THRB: variants seen among roughly 807,000 people sequenced by gnomAD.
THRB encodes thyroid hormone receptor beta, also known as nuclear receptor subfamily 1 group A member 2.
THRB carries 12 observed loss-of-function variants against 47.8 expected under a neutral mutation model. The ratio of observed to expected loss-of-function variants is 0.25; its 90% CI spans 0.16 to 0.41. The LOEUF (loss-of-function observed/expected upper bound fraction) is 0.41. Among genes scored for constraint, THRB ranks in the 10% least tolerant of loss-of-function variants. THRB has a pLI of 1.00. For missense variants in THRB, 348 were observed against 589.2 expected, an observed-to-expected ratio of 0.59 and a Z score of 4.24; for synonymous variants, 218 against 212.2, an observed-to-expected ratio of 1.03 and a Z score of -0.24.
intron 1 of THRB, among the ~76,000 whole-genome samples, chr3:24,487,389 T>C (rs1168992502): frequency 6.6e-6 from 1 of 151,810 alleles, no homozygotes; most frequent in Non-Finnish European, 1.5e-5. Flanking sequence ...GGTGATCAAA[T>C]GAATTTTGCT....
chr3:24,303,210 C>T (rs2057079942), intron 2 of THRB, among the ~76,000 whole-genome samples: 1 of 152,166 alleles, frequency 6.6e-6, no homozygotes, highest in African/African-American at 2.4e-5. Flanking sequence ...AATACAGAGA[C>T]TCCTCCCTGT....
intron 3 of THRB, among the ~76,000 whole-genome samples, chr3:24,244,912 G>A (rs1394899472): frequency 6.6e-6 from 1 of 152,188 alleles, no homozygotes; most frequent in African/African-American, 2.4e-5. Context: ...AGCATACCTT[G>A]TTAAGCTGTG....
intron 4 of THRB, among the ~76,000 whole-genome samples, chr3:24,204,289 A>G (rs111916121): frequency 4.9e-4 from 75 of 152,346 alleles, no homozygotes; most frequent in African/African-American, 1.5e-3. Flanking sequence ...TGGCTGGGTA[A>G]CCCTCTAAGA....
intron 3 of THRB, among the ~76,000 whole-genome samples, chr3:24,245,683 C>T (rs923381695): frequency 1.3e-5 from 2 of 152,048 alleles, no homozygotes; most frequent in African/African-American, 4.8e-5. Context: ...GAGACCGAGG[C>T]GGGCAGATCA....
chr3:24,217,400 A>T (rs1041070975), intron 4 of THRB, among the ~76,000 whole-genome samples: 4 of 152,152 alleles, frequency 2.6e-5, no homozygotes, highest in African/African-American at 7.2e-5. Context: ...CATCCTGCTC[A>T]TTGAAAACAT....
intron 1 of THRB, among the ~76,000 whole-genome samples, chr3:24,401,995 T>C (rs1404630960): frequency 6.6e-6 from 1 of 152,032 alleles, no homozygotes; most frequent in Non-Finnish European, 1.5e-5. Context: ...CTTTACCTTG[T>C]CTGCTACAGG....
intron 1 of THRB, among the ~76,000 whole-genome samples, chr3:24,365,066 C>G (rs898556267): frequency 6.6e-6 from 1 of 152,070 alleles, no homozygotes; most frequent in African/African-American, 2.4e-5. Flanking sequence ...TACAGGTAAA[C>G]TGCTTAATTC....
intron 1 of THRB, among the ~76,000 whole-genome samples, chr3:24,384,885 TG>T (rs1208438875): frequency 6.6e-6 from 1 of 152,118 alleles, no homozygotes; most frequent in Admixed American, 6.6e-5. Flanking sequence ...TCCTGGGTTT[TG>T]GAAATGCTCT....
chr3:24,425,166 C>T (rs2150330142), intron 1 of THRB, among the ~76,000 whole-genome samples: 1 of 151,842 alleles, frequency 6.6e-6, no homozygotes, highest in Admixed American at 6.6e-5. Flanking sequence ...ATTGCTGGAT[C>T]AAAGCATACA....
chr3:24,367,095 T>C (rs2064530084), intron 1 of THRB, among the ~76,000 whole-genome samples: 1 of 152,226 alleles, frequency 6.6e-6, no homozygotes, highest in African/African-American at 2.4e-5. Flanking sequence ...ACTAGCTGGA[T>C]GGCAGGGACT....
chr3:24,470,017 T>A (rs1473369696), intron 1 of THRB, among the ~76,000 whole-genome samples: 1 of 152,170 alleles, frequency 6.6e-6, no homozygotes, highest in East Asian at 1.9e-4. Flanking sequence ...CCATGACTGT[T>A]CTTCTAGAGG....
intron 1 of THRB, among the ~76,000 whole-genome samples, chr3:24,373,368 T>A (rs998791408): frequency 4.6e-5 from 7 of 152,254 alleles, no homozygotes; most frequent in South Asian, 2.1e-4. Flanking sequence ...TGATCCTTTC[T>A]GAAAGGCACT....
intron 1 of THRB, among the ~76,000 whole-genome samples, chr3:24,449,066 T>A (rs1560212128): frequency 6.6e-6 from 1 of 152,154 alleles, no homozygotes; most frequent in Non-Finnish European, 1.5e-5. Context: ...GAGGGAGTGA[T>A]GGGCAGCCAT....
chr3:24,261,116 A>C (rs2051926368), intron 3 of THRB, among the ~76,000 whole-genome samples: 1 of 107,658 alleles, frequency 9.3e-6, no homozygotes, highest in East Asian at 2.8e-4. Flanking sequence ...ATGTTGCAGA[A>C]ATTCTCTCCT....
At chr3:24,330,426 G>T (rs766783468) in intron 2 of THRB, among the ~76,000 whole-genome samples, 11 of 152,138 alleles carry the variant, frequency 7.2e-5, no homozygotes, top group South Asian at 2.1e-4. Context: ...GACATTCAAG[G>T]TATATAAAAC....
chr3:24,220,217 G>T (rs1473096100), intron 4 of THRB, among the ~76,000 whole-genome samples: 1 of 152,148 alleles, frequency 6.6e-6, no homozygotes, highest in Non-Finnish European at 1.5e-5. Flanking sequence ...GTGGCCAGGT[G>T]TGGTGGCTCA....
intron 1 of THRB, among the ~76,000 whole-genome samples, chr3:24,445,730 C>T (rs1577625061): frequency 6.6e-6 from 1 of 152,002 alleles, no homozygotes; most frequent in African/African-American, 2.4e-5. Context: ...AACGTCCATG[C>T]CCTTTGATTG....
chr3:24,165,072 G>A (rs768578083), intron 5 of THRB: 8 of 763,584 alleles, frequency 1.0e-5, no homozygotes, highest in South Asian at 8.1e-5. Context: ...GAAAAAGTAG[G>A]CTTTTCTTCA....
At chr3:24,226,454 GT>G (rs1235671142) in intron 4 of THRB, among the ~76,000 whole-genome samples, 3 of 152,208 alleles carry the variant, frequency 2.0e-5, no homozygotes, top group Non-Finnish European at 4.4e-5. Flanking sequence ...GTACATGTAT[GT>G]GTCTGGAGTA....
Sources: allele counts gnomAD v4.1 joint callset (sites outside exome capture counted in the v4.1 genomes callset), GRCh38; gene constraint gnomAD v4.1.1; transcripts MANE v1.5; gene names NCBI Gene and HGNC (gene_info 2026-07-23, HGNC 2026-07-21).